Variants in PARD3 observed in about 807,000 individuals in gnomAD.
The protein encoded by PARD3 is par-3 family cell polarity regulator, also known as partitioning defective 3 homolog.
Under a neutral mutation model 155.4 loss-of-function variants are expected in PARD3, and 75 were observed. That is an observed-to-expected ratio of 0.48 (90% confidence interval 0.40 to 0.58). The LOEUF (loss-of-function observed/expected upper bound fraction) is 0.58, where lower values mean the gene tolerates loss of function less well. PARD3 is among the 20% of genes least tolerant of loss of function. PARD3 has a pLI of 0.00. For missense variants in PARD3, 1,642 were observed against 1,721.7 expected (o/e 0.95, Z 0.82); for synonymous variants, 576 against 610.5 (o/e 0.94, Z 0.83).
At chr10:34,444,820 T>C (rs1385277319) in intron 5 of PARD3, among the ~76,000 whole-genome samples, 1 of 152,220 alleles carries the variant, frequency 6.6e-6, no homozygotes, top group Non-Finnish European at 1.5e-5. Flanking sequence ...GCTTAGCACT[T>C]TAAAGCACTC....
chr10:34,200,888 TCTG>T (rs1231422392), intron 22 of PARD3, among the ~76,000 whole-genome samples: 1 of 152,218 alleles, frequency 6.6e-6, no homozygotes, highest in African/African-American at 2.4e-5. Context: ...TGCATCAGCT[TCTG>T]CTATTTCAGA....
At chr10:34,304,432 T>G (rs2134043312) in intron 20 of PARD3, among the ~76,000 whole-genome samples, 1 of 152,200 alleles carries the variant, frequency 6.6e-6, no homozygotes, top group African/African-American at 2.4e-5. Context: ...AAAGTCAGGT[T>G]CAAAAAATAC....
chr10:34,113,771 C>T (rs370686708), intron 24 of PARD3, among the ~76,000 whole-genome samples: 48 of 152,214 alleles, frequency 3.2e-4, no homozygotes, highest in East Asian at 2.9e-3. Context: ...TGACACTGGG[C>T]GAGTTCTGCT....
chr10:34,413,140 T>TACACACACACACACACACACACACACAC (rs774389489), intron 5 of PARD3, among the ~76,000 whole-genome samples: 1 of 113,794 alleles, frequency 8.8e-6, no homozygotes, highest in African/African-American at 3.2e-5. Flanking sequence ...ACTTCAGATA[T>TACACACACACACACACACACACACACAC]ATATACACAC....
chr10:34,448,529 G>A (rs2076880722), intron 5 of PARD3, among the ~76,000 whole-genome samples: 1 of 152,210 alleles, frequency 6.6e-6, no homozygotes, highest in Admixed American at 6.5e-5. Context: ...GCTAGGCACA[G>A]TGGCTCATGC....
chr10:34,338,404 G>C (rs1242096934), intron 16 of PARD3, among the ~76,000 whole-genome samples: 2 of 152,222 alleles, frequency 1.3e-5, no homozygotes, highest in Admixed American at 1.3e-4. Flanking sequence ...TCTCTGTGCT[G>C]GGCACATTGG....
At chr10:34,682,929 GC>G (rs1057013921) in intron 2 of PARD3, among the ~76,000 whole-genome samples, 4 of 152,164 alleles carry the variant, frequency 2.6e-5, no homozygotes, top group Non-Finnish European at 4.4e-5. Context: ...AGAATGAAGA[GC>G]CTAATTTGAC....
intron 22 of PARD3, among the ~76,000 whole-genome samples, chr10:34,169,440 T>C (rs369293790): frequency 2.6e-5 from 4 of 152,192 alleles, no homozygotes; most frequent in African/African-American, 9.6e-5. Context: ...ATCTCTTAGT[T>C]TTACTGACAA....
intron 22 of PARD3, among the ~76,000 whole-genome samples, chr10:34,138,812 T>C (rs1284733119): frequency 6.6e-6 from 1 of 152,042 alleles, no homozygotes; most frequent in Non-Finnish European, 1.5e-5. Context: ...AAAATTCTAT[T>C]CCAAATGCTA....
At chr10:34,528,199 A>G (rs1442623008) in intron 2 of PARD3, among the ~76,000 whole-genome samples, 2 of 152,210 alleles carry the variant, frequency 1.3e-5, no homozygotes, top group African/African-American at 2.4e-5. Context: ...TTTAATGCCA[A>G]TCTTCTGGAA....
rs184727852 is a variant in PARD3, at chr10:34,169,199, C to G, written c.3420-37616G>C. Among the ~76,000 whole-genome samples, 8 of 152,290 alleles carry G rather than the reference C, an allele frequency of 5.3e-5. No homozygotes were observed. In the South Asian group the frequency reaches 6.2e-4, roughly 12 times the overall value. Reference sequence around the variant, plus strand: ...TTACAGCTGCCAGGAAATTCAATTTCTATGTGCTGTGCATTGCAGGAAATA... The same window carrying G: ...TTACAGCTGCCAGGAAATTCAATTTGTATGTGCTGTGCATTGCAGGAAATA... On this transcript the variant is annotated intron_variant, in intron 22 of 24. Coordinates refer to ENST00000374788, the MANE Select transcript of PARD3 (RefSeq NM_001184785.2).
intron 12 of PARD3, among the ~76,000 whole-genome samples, chr10:34,360,571 T>G (rs1013388651): frequency 9.9e-5 from 15 of 152,198 alleles, no homozygotes; most frequent in African/African-American, 3.6e-4. Flanking sequence ...ATTTTTTTGG[T>G]GTAATCATAT....
intron 20 of PARD3, among the ~76,000 whole-genome samples, chr10:34,314,922 C>A (rs894613683): frequency 6.6e-6 from 1 of 152,134 alleles, no homozygotes; most frequent in African/African-American, 2.4e-5. Context: ...TTGGCTCTCA[C>A]CAGCCAAGGT....
chr10:34,549,925 C>T (rs2084403393), intron 2 of PARD3, among the ~76,000 whole-genome samples: 2 of 152,004 alleles, frequency 1.3e-5, no homozygotes, highest in Non-Finnish European at 2.9e-5. Flanking sequence ...TCCTCCACGA[C>T]CAGGCCCAGA....
chr10:34,764,943 C>T (rs185637544), intron 1 of PARD3, among the ~76,000 whole-genome samples: 1 of 152,294 alleles, frequency 6.6e-6, no homozygotes, highest in Admixed American at 6.5e-5. Flanking sequence ...ATGTACTTCA[C>T]CTTCCTATAA....
chr10:34,308,704 C>T (rs563784339), intron 20 of PARD3, among the ~76,000 whole-genome samples: 1 of 152,214 alleles, frequency 6.6e-6, no homozygotes, highest in African/African-American at 2.4e-5. Context: ...ATGAAGAGTT[C>T]CAAGAAAATG....
intron 19 of PARD3, among the ~76,000 whole-genome samples, chr10:34,319,703 G>A (rs993908164): frequency 1.6e-4 from 24 of 152,274 alleles, no homozygotes; most frequent in African/African-American, 5.5e-4. Flanking sequence ...TTTCAAATGA[G>A]AGCTCCCCCA....
intron 4 of PARD3, among the ~76,000 whole-genome samples, chr10:34,462,093 T>C (rs1446282884): frequency 6.6e-6 from 1 of 152,222 alleles, no homozygotes; most frequent in Non-Finnish European, 1.5e-5. Context: ...TATTTTAATA[T>C]GCAAAATAGA....
chr10:34,264,939 C>T (rs543597917), intron 22 of PARD3, among the ~76,000 whole-genome samples: 6 of 152,164 alleles, frequency 3.9e-5, no homozygotes, highest in African/African-American at 1.2e-4. Flanking sequence ...TTTGTAGAGA[C>T]GGGGTCTCAC....
Sources: gnomAD v4.1 joint callset for allele counts (sites outside exome capture counted in the v4.1 genomes callset) on GRCh38, gnomAD v4.1.1 for gene constraint, MANE v1.5 for transcripts, NCBI Gene and HGNC (gene_info 2026-07-23, HGNC 2026-07-21) for gene names.